FOXP2: variants seen among roughly 807,000 people sequenced by gnomAD.
The protein encoded by FOXP2 is forkhead box protein P2.
Under a neutral mutation model 115.8 loss-of-function variants are expected in FOXP2, and 12 were observed. The ratio of observed to expected loss-of-function variants is 0.10; its 90% confidence interval spans 0.07 to 0.17. The LOEUF is 0.17. FOXP2 is among the 10% of genes least tolerant of loss of function. FOXP2 has a pLI of 1.00. For synonymous variants in FOXP2, 328 were observed against 297.7 expected, an observed-to-expected ratio of 1.10 and a Z score of -1.05; for missense variants, 629 against 843.5, an observed-to-expected ratio of 0.75 and a Z score of 3.15.
chr7:114,168,312 A>G (rs1202990949), intron 1 of FOXP2, among the ~76,000 whole-genome samples: 1 of 152,176 alleles, frequency 6.6e-6, no homozygotes, highest in African/African-American at 2.4e-5. Context: ...GACTTTTTGA[A>G]TGGCTTTGCC....
intron 2 of FOXP2, among the ~76,000 whole-genome samples, chr7:114,371,831 G>A (rs151155010): frequency 0.011 from 1,636 of 152,178 alleles, 14 homozygotes; most frequent in Middle Eastern, 0.017. Context: ...TTTTTATACA[G>A]TTACCAAAGT....
At chr7:114,196,003 AAATT>A (rs1442521090) in intron 1 of FOXP2, among the ~76,000 whole-genome samples, 1 of 152,068 alleles carries the variant, frequency 6.6e-6, no homozygotes, top group Non-Finnish European at 1.5e-5. Flanking sequence ...GTATTTTAAA[AAATT>A]AATTAATTAA....
At chr7:114,166,265 T>C (rs1271281548) in intron 1 of FOXP2, among the ~76,000 whole-genome samples, 1 of 152,162 alleles carries the variant, frequency 6.6e-6, no homozygotes, top group African/African-American at 2.4e-5. Flanking sequence ...TGGATTTCAT[T>C]AAAATTAAAA....
chr7:114,538,359 T>G, intron 3 of FOXP2: 1 of 1,303,198 alleles, frequency 7.7e-7, no homozygotes. Flanking sequence ...TCAACAGCTG[T>G]GCAGAGCAGA....
At chr7:114,140,156 G>T (rs951715395) in intron 1 of FOXP2, among the ~76,000 whole-genome samples, 6 of 151,996 alleles carry the variant, frequency 3.9e-5, no homozygotes, top group African/African-American at 1.4e-4. Context: ...AGATCAAAAT[G>T]TGCAATCCTG....
At chr7:114,184,448 G>A (rs2129155843) in intron 1 of FOXP2, among the ~76,000 whole-genome samples, 1 of 152,172 alleles carries the variant, frequency 6.6e-6, no homozygotes, top group South Asian at 2.1e-4. Context: ...TTTAGCTATA[G>A]GACATTGGGG....
intron 1 of FOXP2, among the ~76,000 whole-genome samples, chr7:114,133,914 T>C (rs1791957602): frequency 6.6e-6 from 1 of 152,174 alleles, no homozygotes; most frequent in Admixed American, 6.5e-5. Context: ...TCCTTGAACT[T>C]AGCCTGCAGA....
intron 2 of FOXP2, among the ~76,000 whole-genome samples, chr7:114,308,296 T>C (rs112761423): frequency 0.017 from 2,619 of 152,280 alleles, 39 homozygotes; most frequent in African/African-American, 0.035. Context: ...TTAGTCATTA[T>C]ACTAATGATC....
intron 1 of FOXP2, among the ~76,000 whole-genome samples, chr7:114,137,941 A>G (rs1370306640): frequency 6.6e-6 from 1 of 152,122 alleles, no homozygotes; most frequent in Non-Finnish European, 1.5e-5. Context: ...ACCATTCTCT[A>G]ATTTGAAAAA....
At chr7:114,144,233 G>A (rs188671133) in intron 1 of FOXP2, among the ~76,000 whole-genome samples, 50 of 152,214 alleles carry the variant, frequency 3.3e-4, no homozygotes, top group Admixed American at 2.9e-3. Flanking sequence ...TGTAGGTCAA[G>A]GAGTATCTGT....
At chr7:114,383,459 A>G (rs894682100) in intron 2 of FOXP2, among the ~76,000 whole-genome samples, 1 of 152,068 alleles carries the variant, frequency 6.6e-6, no homozygotes, top group Non-Finnish European at 1.5e-5. Context: ...GGATGCTGGG[A>G]TAGGGAGGTA....
chr7:114,452,448 T>G (rs1293868305), intron 2 of FOXP2, among the ~76,000 whole-genome samples: 1 of 152,060 alleles, frequency 6.6e-6, no homozygotes, highest in Non-Finnish European at 1.5e-5. Flanking sequence ...CATAGACAAA[T>G]GTTATATAGG....
intron 2 of FOXP2, among the ~76,000 whole-genome samples, chr7:114,289,337 G>A (rs1056699976): frequency 6.6e-6 from 1 of 151,856 alleles, no homozygotes; most frequent in African/African-American, 2.4e-5. Context: ...TAATTAAAAT[G>A]ATCTGGAAAA....
At chr7:114,517,684 G>A (rs902610486) in intron 2 of FOXP2, among the ~76,000 whole-genome samples, 3 of 152,112 alleles carry the variant, frequency 2.0e-5, no homozygotes, top group African/African-American at 7.2e-5. Context: ...ACTGATCTTT[G>A]TGTCTGTTTT....
At chr7:114,441,279 C>G (rs577215878) in intron 2 of FOXP2, among the ~76,000 whole-genome samples, 57 of 152,084 alleles carry the variant, frequency 3.7e-4, no homozygotes, top group African/African-American at 1.4e-3. Context: ...GAAACCTCGT[C>G]TCTACTAAAA....
At chr7:114,427,313 G>A (rs555973442) in intron 2 of FOXP2, among the ~76,000 whole-genome samples, 1 of 151,026 alleles carries the variant, frequency 6.6e-6, no homozygotes, top group African/African-American at 2.4e-5. Context: ...TTTAAATCTG[G>A]AAATGTTAAC....
intron 2 of FOXP2, among the ~76,000 whole-genome samples, chr7:114,329,727 A>G (rs1157151926): frequency 2.6e-5 from 4 of 151,292 alleles, no homozygotes; most frequent in Non-Finnish European, 5.9e-5. Context: ...CCCAGGCTGG[A>G]GGGCAGTGGC....
intron 2 of FOXP2, among the ~76,000 whole-genome samples, chr7:114,529,123 A>G (rs1039187213): frequency 1.3e-5 from 2 of 151,918 alleles, no homozygotes; most frequent in African/African-American, 4.8e-5. Context: ...ATATCAGGCT[A>G]CTTGATGTAC....
At chr7:114,274,010 A>AT (rs1279689735) in intron 1 of FOXP2, among the ~76,000 whole-genome samples, 1 of 148,460 alleles carries the variant, frequency 6.7e-6, no homozygotes, top group African/African-American at 2.5e-5. Flanking sequence ...TTTTTCTTCC[A>AT]TTTTTTCCTG....
Sources: allele counts gnomAD v4.1 joint callset (sites outside exome capture counted in the v4.1 genomes callset), GRCh38; gene constraint gnomAD v4.1.1; transcripts MANE v1.5; gene names NCBI Gene and HGNC (gene_info 2026-07-23, HGNC 2026-07-21).